The following ADAMTS15 variants were observed in gnomAD, a reference collection of about 807,000 sequenced individuals.
ADAMTS15 encodes the protein A disintegrin and metalloproteinase with thrombospondin motifs 15.
In ADAMTS15, 35 loss-of-function variants were observed where a neutral mutation model predicts 79.1. The observed-to-expected ratio is 0.44, with a 90% CI of 0.34 to 0.59. The LOEUF (loss-of-function observed/expected upper bound fraction) is 0.59, where lower values mean the gene tolerates loss of function less well. Ranked by LOEUF, ADAMTS15 falls within the 20% of genes least tolerant of loss-of-function variation. The pLI is 0.02. For synonymous variants in ADAMTS15, 616 were observed against 567.3 expected (o/e 1.09, Z -1.22); for missense variants, 1,324 against 1,318.7 (o/e 1.00, Z -0.06).
chr11:130,450,577 T>C (rs572731930), intron 1 of ADAMTS15, among the ~76,000 whole-genome samples: 1 of 152,320 alleles, frequency 6.6e-6, no homozygotes, highest in East Asian at 1.9e-4. Flanking sequence ...CTGCTGGGCA[T>C]GGTCCAAGAG....
rs774784317 is a variant in ADAMTS15 at position 130,473,714 on chromosome 11, C to T, written c.2746C>T (p.Arg916Cys). ...GAGCTGCGGCCGGGGATTTCAGAGG[C>T]GCTCACTCAAGTGTGTGGGCCACGG... ...SKSCGRGFQR[R>C]SLKCVGHGGR... is the part of the protein sequence containing the mutation. Residue 916 changes from arginine to cysteine, a missense_variant, in exon 8 of 8, where the codon CGC becomes TGC. By Grantham distance (180) the Arg-to-Cys change is radical. Transcript: ENST00000299164. 9 of 1,600,440 alleles carry T rather than the reference C, an allele frequency of 5.6e-6. No individual in the cohort carries two copies. The African/African-American group carries it at 6.7e-5, about 12-fold the overall frequency.
At chr11:130,455,720 G>A (rs1204024142) in intron 1 of ADAMTS15, among the ~76,000 whole-genome samples, 1 of 152,222 alleles carries the variant, frequency 6.6e-6, no homozygotes, top group South Asian at 2.1e-4. Context: ...AGAGGTGTGT[G>A]TTTAATCCAC....
At position 130,448,932 on chromosome 11, in the gene ADAMTS15, C is replaced by A; in HGVS notation, c.-42C>A. On this transcript the variant is annotated 5_prime_UTR_variant, in exon 1 of 8. Coordinates refer to ENST00000299164, the MANE Select transcript of ADAMTS15 (RefSeq NM_139055.4). ...CCGCGGCAGCGGCCGGAGAGCCCGG[C>A]CCAGCCCCTTCCCACAGCGCGGCGG... 1.4e-6 allele frequency: 2 copies of A among 1,445,188 alleles called. No individual in the cohort carries two copies. Among genetic ancestry groups the A allele is most frequent in the Non-Finnish European group, 9.1e-7 (1 of 1,093,228 alleles). 89.5% of individuals were successfully genotyped at this position (1,445,188 alleles called of 1,614,324 possible).
rs535134315 is a variant in ADAMTS15, at chr11:130,464,814, C to T, written c.1542+2034C>T. Reference sequence around the variant, plus strand: ...AAACCCCATGTCTGCAAAAAATACACAAATTAGTGGGATGTGGTGGCAGAT... The same window carrying T: ...AAACCCCATGTCTGCAAAAAATACATAAATTAGTGGGATGTGGTGGCAGAT... On this transcript the variant is annotated intron_variant, in intron 4 of 7. Coordinates refer to ENST00000299164, the MANE Select transcript of ADAMTS15 (RefSeq NM_139055.4). Among the ~76,000 whole-genome samples the T allele has an allele frequency of 2.0e-5, 3 of 151,806 alleles. No individual in the cohort carries two copies. The South Asian group carries it at 6.3e-4, about 32-fold the overall frequency.
At position 130,449,647 on chromosome 11, in the gene ADAMTS15, T is replaced by A. The variant is rs756715352; in HGVS notation, c.674T>A (p.Val225Asp). Residue 225 changes from valine (V) to aspartate (D), a missense_variant, in exon 1 of 8, where the codon GTC (valine) becomes GAC (aspartate). Coordinates refer to ENST00000299164, the MANE Select transcript of ADAMTS15 (RefSeq NM_139055.4). The surrounding 1 kb of genome is among the most constrained non-coding windows in gnomAD (Gnocchi z 7.8). ...SIPRYVETLV[V>D]ADESMVKFHG... ...CCGCGGTACGTGGAGACGCTGGTGG[T>A]CGCGGACGAGTCAATGGTCAAGTTC... 6.3e-7 allele frequency: 1 copy of A among 1,599,482 alleles called. No homozygotes were observed. Among genetic ancestry groups the A allele is most frequent in the Non-Finnish European group, 8.5e-7 (1 of 1,173,454 alleles).
At chr11:130,471,460 G>A in intron 7 of ADAMTS15, 77 bp downstream of exon 7, 5 of 1,514,562 alleles carry the variant, frequency 3.3e-6, no homozygotes, top group Non-Finnish European at 4.4e-6. Context: ...TGGAAGCTTG[G>A]GTTAGACTGG....
chr11:130,468,600 C>A (rs1328350105), intron 4 of ADAMTS15, among the ~76,000 whole-genome samples: 1 of 151,532 alleles, frequency 6.6e-6, no homozygotes, highest in Non-Finnish European at 1.5e-5. Context: ...CCCATCTCTA[C>A]TAAAAATACA....
At position 130,459,142 on chromosome 11, in the gene ADAMTS15, C is replaced by G. The variant is rs980399679; in HGVS notation, c.958-2347C>G. On this transcript the variant is annotated intron_variant, in intron 1 of 7. Transcript: ENST00000299164. The stretch of plus-strand genomic sequence containing the variant: ...TACCCTCCCAGGCTCAAGTGATCCT[C>G]CTACCTCAGCCTCCTCCTACCAGCC... Among the ~76,000 whole-genome samples the G allele has an allele frequency of 2.7e-5, 4 of 149,708 alleles. No homozygotes were observed. In the East Asian group the frequency reaches 8.0e-4, roughly 30 times the overall value.
chr11:130,469,542 G>T, intron 5 of ADAMTS15, 103 bp downstream of exon 5: 1 of 898,438 alleles, frequency 1.1e-6, no homozygotes, highest in South Asian at 5.5e-5. Flanking sequence ...CCAGGTAATT[G>T]GGTACACAGG....
At chr11:130,461,077 C>T (rs73044870) in intron 1 of ADAMTS15, among the ~76,000 whole-genome samples, 5 of 152,206 alleles carry the variant, frequency 3.3e-5, no homozygotes, top group African/African-American at 1.2e-4. Context: ...GAAGCTGCCT[C>T]TGGGTGGGAA....
In ADAMTS15 at chr11:130,475,280, G is replaced by A. The variant is rs1938558414; in HGVS notation, c.*1459G>A. 2 of 152,290 alleles carry A rather than the reference G, an allele frequency of 1.3e-5. No individual in the cohort carries two copies. The highest frequency in any genetic ancestry group is 1.3e-4 in the Admixed American group (2 of 15,294). 9.4% of individuals were successfully genotyped at this position (152,290 alleles called of 1,614,324 possible). A position where few individuals can be genotyped will look rare whatever the true frequency, so the allele number is the denominator to read the frequency against. On this transcript the variant is annotated 3_prime_UTR_variant, in exon 8 of 8. Coordinates refer to ENST00000299164, the MANE Select transcript of ADAMTS15 (RefSeq NM_139055.4). Reference sequence around the variant, plus strand: ...GGCCTGGCAGCCACTAGTATGAACTGCTGGAGACCTGTCTGTCTTATAGAC... The same window carrying A: ...GGCCTGGCAGCCACTAGTATGAACTACTGGAGACCTGTCTGTCTTATAGAC...
At chr11:130,461,747 C>G in intron 2 of ADAMTS15, 126 bp downstream of exon 2, 1 of 1,383,398 alleles carries the variant, frequency 7.2e-7, no homozygotes, top group Non-Finnish European at 9.7e-7. Flanking sequence ...GCACAGTGAG[C>G]CTTAGCAGCA....
chr11:130,455,420 T>C (rs1938056164), intron 1 of ADAMTS15, among the ~76,000 whole-genome samples: 1 of 152,214 alleles, frequency 6.6e-6, no homozygotes, highest in African/African-American at 2.4e-5. Flanking sequence ...ATCCCACTGA[T>C]CTGTAAACTC....
intron 1 of ADAMTS15, among the ~76,000 whole-genome samples, chr11:130,453,279 A>ATT (rs11381792): frequency 0.019 from 2,543 of 132,852 alleles, 84 homozygotes; most frequent in African/African-American, 0.055. Flanking sequence ...CTTTGGACTG[A>ATT]TTTTTTTTTT....
chr11:130,459,903 G>C (rs1938163724), intron 1 of ADAMTS15, among the ~76,000 whole-genome samples: 1 of 152,224 alleles, frequency 6.6e-6, no homozygotes, highest in Admixed American at 6.5e-5. Context: ...CCCCTTGCCA[G>C]CATGTACACA....
chr11:130,460,251 C>T (rs1318210712), intron 1 of ADAMTS15, among the ~76,000 whole-genome samples: 2 of 151,506 alleles, frequency 1.3e-5, no homozygotes, highest in African/African-American at 4.9e-5. Context: ...AGAGAACCAG[C>T]ATCACTGATT....
In ADAMTS15 at chr11:130,462,921, G is replaced by T. The variant is rs1938233024; in HGVS notation, c.1542+141G>T. The T allele has an allele frequency of 8.7e-7, 1 of 1,144,150 alleles. No homozygotes were observed. 70.9% of individuals were successfully genotyped at this position (1,144,150 alleles called of 1,614,324 possible). ...ACCAGCACTGTTGCATGGCTGAGCT[G>T]TGCCTTCACTGCCCTGTATATAGTC... On this transcript the variant is annotated intron_variant, in intron 4 of 7. Coordinates refer to ENST00000299164, the MANE Select transcript of ADAMTS15 (RefSeq NM_139055.4). This position sits in a 1 kb window ranked among gnomAD's most constrained non-coding sequence, Gnocchi z 4.3.
At chr11:130,461,960 G>A in intron 2 of ADAMTS15, 127 bp from the exon 3 acceptor site, 1 of 1,114,684 alleles carries the variant, frequency 9.0e-7, no homozygotes, top group Non-Finnish European at 1.3e-6. Context: ...AAAGCAGTCT[G>A]TCGATAGTTG....
rs367980831 is a variant in ADAMTS15, at chr11:130,473,590, G to T, written c.2622G>T (p.Thr874=). 3.7e-5 allele frequency: 60 copies of T among 1,607,154 alleles called. No homozygotes were observed. The highest frequency in any genetic ancestry group is 4.3e-5 in the Non-Finnish European group (51 of 1,176,918). The change falls in exon 8 of 8, where the codon ACG becomes ACT. Residue 874 remains threonine, a synonymous_variant. Coordinates refer to ENST00000299164, the MANE Select transcript of ADAMTS15 (RefSeq NM_139055.4). ...GCCGGGGCTCCGCCGGGCAGCGCAC[G>T]GTCCCTGCCTGTGATGCAGCCCATC... ...VDCRGSAGQR[T]VPACDAAHRP...
Sources: allele counts gnomAD v4.1 joint callset (sites outside exome capture counted in the v4.1 genomes callset), GRCh38; gene constraint gnomAD v4.1.1; non-coding constraint Gnocchi (gnomAD v3.1); transcripts MANE v1.5; gene names NCBI Gene and HGNC (gene_info 2026-07-23, HGNC 2026-07-21).